STK31: variants seen among roughly 807,000 people sequenced by gnomAD.
The protein encoded by STK31 is serine/threonine-protein kinase 31.
In STK31, 89 loss-of-function variants were observed where a neutral mutation model predicts 129.7. The ratio of observed to expected loss-of-function variants is 0.69; its 90% CI spans 0.58 to 0.82. The LOEUF is 0.82. Among genes scored for constraint, STK31 ranks in the 40% least tolerant of loss-of-function variants. STK31 has a pLI of 0.00. For synonymous variants in STK31, 448 were observed against 395.3 expected (o/e 1.13, Z -1.58); for missense variants, 1,187 against 1,176.4 (o/e 1.01, Z -0.13).
intron 8 of STK31, among the ~76,000 whole-genome samples, chr7:23,749,173 T>C (rs1333075199): frequency 6.6e-6 from 1 of 152,250 alleles, no homozygotes; most frequent in Non-Finnish European, 1.5e-5. Flanking sequence ...TACTACATGC[T>C]ATCTACTTTC....
intron 4 of STK31, chr7:23,725,887 G>A (rs1787033983): frequency 1.3e-5 from 2 of 152,192 alleles, no homozygotes; most frequent in Non-Finnish European, 2.9e-5. Flanking sequence ...GGGACTCAGG[G>A]TGCTTCCACA....
chr7:23,712,048 A>G, intron 1 of STK31, 51 bp from the exon 2 acceptor site: 2 of 1,448,574 alleles, frequency 1.4e-6, no homozygotes, highest in Non-Finnish European at 1.9e-6. Context: ...TTTAGTCTTC[A>G]TTCATTATTA....
intron 21 of STK31, among the ~76,000 whole-genome samples, chr7:23,789,295 C>G (rs1030738023): frequency 6.6e-5 from 10 of 151,986 alleles, no homozygotes; most frequent in Admixed American, 3.9e-4. Flanking sequence ...GACATGTTTT[C>G]ATTTCTCTTG....
At chr7:23,736,563 G>T (rs1787727810) in intron 7 of STK31, among the ~76,000 whole-genome samples, 2 of 81,610 alleles carry the variant, frequency 2.5e-5, no homozygotes, top group African/African-American at 9.7e-5. Context: ...GATCACAGGG[G>T]ATCACAGGAC....
At chr7:23,758,768 CAT>C (rs1337386490) in intron 10 of STK31, among the ~76,000 whole-genome samples, 1 of 152,116 alleles carries the variant, frequency 6.6e-6, no homozygotes, top group East Asian at 1.9e-4. Flanking sequence ...GTTTCCATGA[CAT>C]TGTGTGGTTT....
chr7:23,786,766 A>C, intron 19 of STK31, 72 bp from the exon 20 acceptor site: 1 of 1,550,166 alleles, frequency 6.5e-7, no homozygotes, highest in Non-Finnish European at 8.8e-7. Context: ...ATTATCCCAT[A>C]GAATCAATGT....
upstream of STK31, chr7:23,710,167 A>G (rs1010579901): frequency 4.5e-6 from 7 of 1,566,606 alleles, no homozygotes; most frequent in Non-Finnish European, 6.1e-6. Flanking sequence ...GACTCCCGCT[A>G]ACACCGGATG....
At chr7:23,830,345 A>G (rs1342665095) in intron 23 of STK31, among the ~76,000 whole-genome samples, 1 of 151,628 alleles carries the variant, frequency 6.6e-6, no homozygotes, top group Non-Finnish European at 1.5e-5. Flanking sequence ...CAGGTTGTTT[A>G]TTTGTAATCT....
chr7:23,826,469 C>T (rs1000346141), intron 23 of STK31, among the ~76,000 whole-genome samples: 1 of 152,058 alleles, frequency 6.6e-6, no homozygotes, highest in East Asian at 1.9e-4. Context: ...TCCTCCATCC[C>T]TTTATTTTGA....
chr7:23,746,235 G>T (rs1788345330), intron 8 of STK31, among the ~76,000 whole-genome samples: 1 of 151,742 alleles, frequency 6.6e-6, no homozygotes, highest in Non-Finnish European at 1.5e-5. Context: ...TCTCTGGGCA[G>T]CTCTCTGTGT....
chr7:23,724,114 C>G (rs1427114355), intron 4 of STK31, among the ~76,000 whole-genome samples: 1 of 152,160 alleles, frequency 6.6e-6, no homozygotes, highest in African/African-American at 2.4e-5. Flanking sequence ...TTACAAAAAG[C>G]AAGGTACCAG....
chr7:23,739,808 C>T (rs1403409089), intron 8 of STK31, among the ~76,000 whole-genome samples: 1 of 152,024 alleles, frequency 6.6e-6, no homozygotes, highest in Non-Finnish European at 1.5e-5. Flanking sequence ...ATTTCTGAGG[C>T]CTTTGTTCTG....
chr7:23,784,507 C>G (rs1166151383), intron 17 of STK31, among the ~76,000 whole-genome samples: 10 of 152,008 alleles, frequency 6.6e-5, no homozygotes, highest in Admixed American at 6.6e-4. Context: ...CCACATGGGA[C>G]TTGAAAATTA....
chr7:23,814,084 G>GA (rs1208928847), intron 22 of STK31, among the ~76,000 whole-genome samples: 2 of 150,310 alleles, frequency 1.3e-5, no homozygotes, highest in African/African-American at 4.9e-5. Context: ...AGAGAAGAAT[G>GA]AATCTACCTG....
rs145456480 is a variant in STK31 at position 23,723,823 on chromosome 7, C to T, written c.250-3418C>T. ...TGTATTACACTAACAGAGCCACGAA[C>T]TTCAGATTCTTCACTTTGTTGAGTA... On this transcript the variant is annotated intron_variant, in intron 4 of 23. Coordinates refer to ENST00000355870, the MANE Select transcript of STK31 (RefSeq NM_031414.5). Among the ~76,000 whole-genome samples the T allele has an allele frequency of 8.3e-3, 1,257 of 152,244 alleles. 20 individuals carry two copies. Among genetic ancestry groups the T allele is most frequent in the Non-Finnish European group, 5.9e-3 (398 of 68,006 alleles).
chr7:23,816,495 G>T (rs1455574605), intron 23 of STK31, among the ~76,000 whole-genome samples: 1 of 152,198 alleles, frequency 6.6e-6, no homozygotes. Flanking sequence ...TTGCAGTTAA[G>T]ATGTTGGCTG....
intron 7 of STK31, 96 bp from the exon 8 acceptor site, chr7:23,736,808 A>G: frequency 1.1e-6 from 1 of 951,134 alleles, no homozygotes; most frequent in Non-Finnish European, 1.4e-6. Flanking sequence ...ACTTTCAGAT[A>G]TATTGTGGCA....
chr7:23,820,438 G>A (rs1793729671), intron 23 of STK31, among the ~76,000 whole-genome samples: 1 of 152,326 alleles, frequency 6.6e-6, no homozygotes, highest in Non-Finnish European at 1.5e-5. Flanking sequence ...TGGGGTATAT[G>A]TGATATTTTG....
intron 20 of STK31, 117 bp downstream of exon 20, chr7:23,787,041 T>C: frequency 1.1e-6 from 1 of 920,474 alleles, no homozygotes; most frequent in South Asian, 1.6e-5. Context: ...CATGGTATTC[T>C]ATTTGTCACC....
Sources: gnomAD v4.1 joint callset for allele counts (sites outside exome capture counted in the v4.1 genomes callset) on GRCh38, gnomAD v4.1.1 for gene constraint, MANE v1.5 for transcripts, NCBI Gene and HGNC (gene_info 2026-07-23, HGNC 2026-07-21) for gene names.